The following C8orf34 variants were observed in gnomAD, a reference collection of about 807,000 sequenced individuals.
C8orf34 encodes chromosome 8 open reading frame 34, also known as uncharacterized protein C8orf34.
C8orf34 carries 65 observed loss-of-function variants against 68.3 expected under a neutral mutation model. That is an observed-to-expected ratio of 0.95 (90% CI 0.78 to 1.17). The LOEUF is 1.17. Among genes scored for constraint, C8orf34 ranks in the 50% most tolerant of loss-of-function variants. The pLI, the probability that C8orf34 is intolerant of heterozygous loss-of-function variation, is 0.00. For missense variants in C8orf34, 664 were observed against 655.4 expected (o/e 1.01, Z -0.14); for synonymous variants, 244 against 241.2 (o/e 1.01, Z -0.11).
intron 7 of C8orf34, among the ~76,000 whole-genome samples, chr8:68,603,799 T>C (rs1016647825): frequency 6.6e-6 from 1 of 152,100 alleles, no homozygotes; most frequent in Non-Finnish European, 1.5e-5. Flanking sequence ...TTCATTGAAC[T>C]GTTGGCTAGA....
chr8:68,790,908 A>C, intron 12 of C8orf34: 2 of 698,576 alleles, frequency 2.9e-6, no homozygotes, highest in Admixed American at 2.0e-5. Flanking sequence ...TGAGAACTAG[A>C]AGAAAAATTT....
At chr8:68,368,281 A>G (rs1807403168) in intron 1 of C8orf34, among the ~76,000 whole-genome samples, 1 of 152,166 alleles carries the variant, frequency 6.6e-6, no homozygotes, top group African/African-American at 2.4e-5. Flanking sequence ...TTAGATAGAC[A>G]TTATTTTGAA....
chr8:68,623,862 G>C (rs1818457758), intron 7 of C8orf34, among the ~76,000 whole-genome samples: 1 of 152,060 alleles, frequency 6.6e-6, no homozygotes, highest in Admixed American at 6.5e-5. Context: ...TTCACATCAG[G>C]GCTTAGGATT....
chr8:68,782,657 T>C (rs1823713293), intron 11 of C8orf34, among the ~76,000 whole-genome samples: 1 of 152,228 alleles, frequency 6.6e-6, no homozygotes, highest in Non-Finnish European at 1.5e-5. Flanking sequence ...GTTTCTGCTG[T>C]GGAGCCCATC....
At chr8:68,516,856 G>A (rs1336191946) in intron 5 of C8orf34, among the ~76,000 whole-genome samples, 1 of 151,874 alleles carries the variant, frequency 6.6e-6, no homozygotes, top group Non-Finnish European at 1.5e-5. Flanking sequence ...TGGTCAGGCT[G>A]GTCTCGAACT....
chr8:68,763,576 G>A (rs1488965353), intron 10 of C8orf34, among the ~76,000 whole-genome samples: 2 of 151,984 alleles, frequency 1.3e-5, no homozygotes, highest in Admixed American at 6.6e-5. Context: ...TCAATTTCCT[G>A]TTGATCCTAT....
chr8:68,556,052 GT>G (rs1816240621), intron 7 of C8orf34, among the ~76,000 whole-genome samples: 1 of 151,934 alleles, frequency 6.6e-6, no homozygotes, highest in East Asian at 1.9e-4. Flanking sequence ...AACTTACATT[GT>G]GTAATTTAAT....
At chr8:68,491,440 G>A (rs572910154) in intron 5 of C8orf34, among the ~76,000 whole-genome samples, 4 of 152,122 alleles carry the variant, frequency 2.6e-5, no homozygotes, top group Non-Finnish European at 4.4e-5. Flanking sequence ...GTGTAATCAG[G>A]GCTGCCTTCC....
intron 9 of C8orf34, among the ~76,000 whole-genome samples, chr8:68,711,788 C>T (rs150755258): frequency 0.025 from 3,846 of 152,182 alleles, 157 homozygotes; most frequent in African/African-American, 0.086. Flanking sequence ...GAAAACTTCC[C>T]TGGCCTTGCT....
chr8:68,437,325 A>C (rs965813932), intron 1 of C8orf34, among the ~76,000 whole-genome samples: 7 of 152,196 alleles, frequency 4.6e-5, no homozygotes, highest in African/African-American at 1.7e-4. Flanking sequence ...AAAACAAAAC[A>C]AAACCATGAG....
intron 2 of C8orf34, 47 bp from the exon 3 acceptor site, chr8:68,446,282 T>A (rs775847060): frequency 1.3e-6 from 2 of 1,516,750 alleles, no homozygotes; most frequent in Admixed American, 4.4e-5. Flanking sequence ...TTTTGCTCAA[T>A]CTTGAAATCA....
At chr8:68,464,659 A>G in intron 3 of C8orf34, among the ~76,000 whole-genome samples, 1 of 152,038 alleles carries the variant, frequency 6.6e-6, no homozygotes, top group Non-Finnish European at 1.5e-5. Context: ...ATCTACAACT[A>G]TCTGATCTTT....
At chr8:68,527,300 C>T (rs1006871285) in intron 6 of C8orf34, among the ~76,000 whole-genome samples, 3 of 152,090 alleles carry the variant, frequency 2.0e-5, no homozygotes, top group African/African-American at 4.8e-5. Flanking sequence ...ATGAGAGGCC[C>T]GGCGCAGTGG....
At chr8:68,757,408 T>C (rs1822895130) in intron 10 of C8orf34, among the ~76,000 whole-genome samples, 1 of 152,080 alleles carries the variant, frequency 6.6e-6, no homozygotes, top group Admixed American at 6.6e-5. Flanking sequence ...GGCGGGCGGA[T>C]CACCTGAGGT....
At chr8:68,737,333 C>A (rs1822149931) in intron 10 of C8orf34, among the ~76,000 whole-genome samples, 1 of 152,046 alleles carries the variant, frequency 6.6e-6, no homozygotes, top group African/African-American at 2.4e-5. Flanking sequence ...TGCAAATATT[C>A]ATTACTTTTT....
intron 7 of C8orf34, among the ~76,000 whole-genome samples, chr8:68,547,335 A>T (rs1815917630): frequency 6.6e-6 from 1 of 151,832 alleles, no homozygotes; most frequent in Non-Finnish European, 1.5e-5. Context: ...TAAAACAAGA[A>T]GAAAAGTATG....
chr8:68,549,986 T>C (rs1027912095), intron 7 of C8orf34, among the ~76,000 whole-genome samples: 1 of 151,832 alleles, frequency 6.6e-6, no homozygotes, highest in Non-Finnish European at 1.5e-5. Flanking sequence ...TTATACATGT[T>C]TATATTTAAA....
chr8:68,516,519 A>T (rs1274577670), intron 5 of C8orf34, among the ~76,000 whole-genome samples: 3 of 152,188 alleles, frequency 2.0e-5, no homozygotes, highest in Non-Finnish European at 4.4e-5. Context: ...TTGGAGAGAG[A>T]GCCTAGGACA....
Position 68,423,631 on chromosome 8 carries a change from A to G in C8orf34, c.328-15868A>G, listed in dbSNP as rs567383562. Among the ~76,000 whole-genome samples the G allele has an allele frequency of 1.2e-4, 18 of 152,064 alleles. No homozygotes were observed. In the East Asian group the frequency reaches 3.5e-3, roughly 29 times the overall value. The stretch of plus-strand genomic sequence containing the variant: ...TGTTCCAACCTCTGCCTGTTACCCA[A>G]TTCCAAAGTTGCTTCCACATTTTCG... On this transcript the variant is annotated intron_variant, in intron 1 of 13. Transcript: ENST00000518698.
Sources: allele counts gnomAD v4.1 joint callset (sites outside exome capture counted in the v4.1 genomes callset), GRCh38; gene constraint gnomAD v4.1.1; transcripts MANE v1.5; gene names NCBI Gene and HGNC (gene_info 2026-07-23, HGNC 2026-07-21).